The following PDE4B variants were observed in gnomAD, a reference collection of about 807,000 sequenced individuals.
PDE4B encodes phosphodiesterase 4B.
Under a neutral mutation model 82.2 loss-of-function variants are expected in PDE4B, and 20 were observed. The observed-to-expected ratio is 0.24, with a 90% CI of 0.17 to 0.35. The LOEUF is 0.35. Among genes scored for constraint, PDE4B ranks in the 10% least tolerant of loss-of-function variants. PDE4B has a pLI of 1.00. For missense variants in PDE4B, 655 were observed against 907.2 expected, an observed-to-expected ratio of 0.72 and a Z score of 3.57; for synonymous variants, 320 against 318.9, an observed-to-expected ratio of 1.00 and a Z score of -0.04.
chr1:65,923,076 C>T (rs1647309165), intron 3 of PDE4B, among the ~76,000 whole-genome samples: 1 of 151,628 alleles, frequency 6.6e-6, no homozygotes, highest in Non-Finnish European at 1.5e-5. Flanking sequence ...ATGAAGTTCT[C>T]ACATTTATCT....
chr1:66,129,659 C>CAAAAAAAAAAAAAAAAAAA (rs59846345), intron 3 of PDE4B, among the ~76,000 whole-genome samples: 2 of 94,778 alleles, frequency 2.1e-5, no homozygotes, highest in African/African-American at 9.3e-5. Context: ...GACTCCGTCT[C>CAAAAAAAAAAAAAAAAAAA]AAAAAAAAAA....
At chr1:65,907,306 G>T (rs1233336970) in intron 1 of PDE4B, among the ~76,000 whole-genome samples, 1 of 152,112 alleles carries the variant, frequency 6.6e-6, no homozygotes, top group Non-Finnish European at 1.5e-5. Flanking sequence ...ATCAAATTCT[G>T]ATATGTTTAT....
chr1:66,231,032 TA>T (rs11285418), intron 3 of PDE4B, among the ~76,000 whole-genome samples: 19,700 of 106,840 alleles, frequency 0.18, 2,635 homozygotes, highest in African/African-American at 0.4. Context: ...AGAATCTGTC[TA>T]AAAAAAAAAA....
At chr1:66,257,524 C>T in intron 4 of PDE4B, 123 bp from the exon 5 acceptor site, 2 of 993,908 alleles carry the variant, frequency 2.0e-6, no homozygotes, top group East Asian at 2.4e-5. Flanking sequence ...GTCTTATATC[C>T]AGGTAGAAGA....
intron 3 of PDE4B, among the ~76,000 whole-genome samples, chr1:66,134,727 G>C (rs2101122937): frequency 6.6e-6 from 1 of 152,310 alleles, no homozygotes; most frequent in East Asian, 1.9e-4. Flanking sequence ...TGTGATGAGA[G>C]GTTGTTTGTA....
At chr1:66,199,956 T>A (rs908153256) in intron 3 of PDE4B, among the ~76,000 whole-genome samples, 1 of 152,206 alleles carries the variant, frequency 6.6e-6, no homozygotes, top group Non-Finnish European at 1.5e-5. Context: ...CTAGGTTTTC[T>A]TCTAGGGTTT....
Position 65,843,819 on chromosome 1 carries a change from A to G in PDE4B, c.-71+50571A>G, listed in dbSNP as rs568111338. On this transcript the variant is annotated intron_variant, in intron 1 of 16. Transcript: ENST00000341517. ...ACTTAGCATTTTCTTTTGGTTAAAT[A>G]TAATTATTCTAAAAATGGCATATCT... 1.1e-4 allele frequency among the ~76,000 whole-genome samples: 16 copies of G among 152,284 alleles called. No individual in the cohort carries two copies. In the South Asian group the frequency reaches 2.5e-3, roughly 24 times the overall value.
chr1:65,940,410 C>T (rs1009908999), intron 3 of PDE4B, among the ~76,000 whole-genome samples: 2 of 151,994 alleles, frequency 1.3e-5, no homozygotes, highest in African/African-American at 4.8e-5. Context: ...ATTCTAACAG[C>T]AAGGGGAAGC....
chr1:65,882,656 G>C (rs1206699072), intron 1 of PDE4B, among the ~76,000 whole-genome samples: 2 of 143,928 alleles, frequency 1.4e-5, no homozygotes, highest in Non-Finnish European at 3.0e-5. Context: ...GAATTTTCTT[G>C]TTTATGGCAA....
In PDE4B at chr1:66,257,873, G is replaced by T; in HGVS notation, c.584+10G>T. 1 of 1,604,116 alleles carries T rather than the reference G, an allele frequency of 6.2e-7. No homozygotes were observed. The highest frequency in any genetic ancestry group is 1.1e-5 in the South Asian group (1 of 90,716). Reference sequence around the variant, plus strand: ...ATGGTACATCTAACAAGTAAGGATTGACTTTTTTGTGGAGTTTGAATCCCT... The same window carrying T: ...ATGGTACATCTAACAAGTAAGGATTTACTTTTTTGTGGAGTTTGAATCCCT... On this transcript the variant is annotated intron_variant, in intron 6 of 16. Coordinates refer to ENST00000341517, the MANE Select transcript of PDE4B (RefSeq NM_002600.4).
At chr1:66,190,805 C>G (rs1316929060) in intron 3 of PDE4B, among the ~76,000 whole-genome samples, 1 of 152,054 alleles carries the variant, frequency 6.6e-6, no homozygotes, top group Non-Finnish European at 1.5e-5. Flanking sequence ...CGATGCCTCA[C>G]CCTGCTTTGG....
rs200315416 is a variant in PDE4B at position 65,842,264 on chromosome 1, G to GT, written c.-71+49016_-71+49017insT. Reference sequence around the variant, plus strand: ...TATGGTCTCTCAACATTAAGAAAGTGGTTTTTTTTGCAGGAAATACAAAAA... The same window carrying GT: ...TATGGTCTCTCAACATTAAGAAAGTGTGTTTTTTTTGCAGGAAATACAAAAA... On this transcript the variant is annotated intron_variant, in intron 1 of 16. Coordinates refer to ENST00000341517, the MANE Select transcript of PDE4B (RefSeq NM_002600.4). 7.2e-3 allele frequency among the ~76,000 whole-genome samples: 1,089 copies of GT among 151,740 alleles called. 12 individuals are homozygous for GT. The highest frequency in any genetic ancestry group is 0.022 in the African/African-American group (926 of 41,384).
chr1:66,147,806 C>G (rs925706817), intron 3 of PDE4B, among the ~76,000 whole-genome samples: 4 of 152,194 alleles, frequency 2.6e-5, no homozygotes, highest in Non-Finnish European at 1.5e-5. Context: ...GTAAGGAGCT[C>G]TGTCCTAACA....
At chr1:66,174,114 A>G (rs1304858750) in intron 3 of PDE4B, among the ~76,000 whole-genome samples, 1 of 152,096 alleles carries the variant, frequency 6.6e-6, no homozygotes, top group Admixed American at 6.6e-5. Flanking sequence ...TTTACCTACA[A>G]ATTTTTTCCT....
chr1:66,188,949 G>T (rs191102857), intron 3 of PDE4B, among the ~76,000 whole-genome samples: 1 of 152,112 alleles, frequency 6.6e-6, no homozygotes, highest in Admixed American at 6.5e-5. Context: ...TTACAATTTG[G>T]CATGTCTTTG....
intron 3 of PDE4B, among the ~76,000 whole-genome samples, chr1:66,221,805 G>T (rs529431199): frequency 7.3e-5 from 11 of 151,236 alleles, no homozygotes; most frequent in Admixed American, 2.0e-4. Context: ...ATCTTTCTTT[G>T]TTCCCTTTGG....
intron 7 of PDE4B, among the ~76,000 whole-genome samples, chr1:66,314,319 A>G (rs949409273): frequency 7.2e-5 from 11 of 152,178 alleles, no homozygotes; most frequent in African/African-American, 2.2e-4. Flanking sequence ...CCCCTATTCA[A>G]GAACCTACAA....
chr1:65,857,069 T>C (rs1646401912), intron 1 of PDE4B, among the ~76,000 whole-genome samples: 1 of 152,194 alleles, frequency 6.6e-6, no homozygotes, highest in African/African-American at 2.4e-5. Context: ...TGCTGGTGCC[T>C]GTTCTAGCTC....
intron 3 of PDE4B, among the ~76,000 whole-genome samples, chr1:65,979,850 A>G (rs1052476721): frequency 6.6e-6 from 1 of 152,134 alleles, no homozygotes; most frequent in Non-Finnish European, 1.5e-5. Context: ...CAGGGCTTTT[A>G]TTCTAGTGGA....
Sources: gnomAD v4.1 joint callset for allele counts (sites outside exome capture counted in the v4.1 genomes callset) on GRCh38, gnomAD v4.1.1 for gene constraint, MANE v1.5 for transcripts, NCBI Gene and HGNC (gene_info 2026-07-23, HGNC 2026-07-21) for gene names.